The following DACH2 variants were observed in gnomAD, a reference collection of about 807,000 sequenced individuals.
The protein encoded by DACH2 is dachshund homolog 2.
DACH2 carries 17 observed loss-of-function variants against 35.8 expected under a neutral mutation model. The ratio of observed to expected loss-of-function variants is 0.48; its 90% CI spans 0.33 to 0.71. The LOEUF (loss-of-function observed/expected upper bound fraction) is 0.71, where lower values mean the gene tolerates loss of function less well. Ranked by LOEUF, DACH2 falls within the 30% of genes least tolerant of loss-of-function variation. The pLI, the probability that DACH2 is intolerant of heterozygous loss-of-function variation, is 0.02. For missense variants in DACH2, 469 were observed against 472.7 expected (o/e 0.99, Z 0.07); for synonymous variants, 195 against 177.3 (o/e 1.10, Z -0.79).
rs756223722 is a variant in DACH2, at chrX:86,814,809, T to C, written c.1659T>C (p.Ser553=). The part of the protein sequence containing the change: ...VEQALKQATT[S]DSGLRMLKDT... ...AGGCACTTAAGCAAGCCACCACTAG[T>C]GACAGTGGCCTGAGGATGTTAAAAG... The change falls in exon 10 of 12, where the codon AGT becomes AGC. Residue 553 remains serine, a synonymous_variant. Coordinates refer to ENST00000373125, the MANE Select transcript of DACH2 (RefSeq NM_053281.3). The C allele has an allele frequency of 8.3e-7, 1 of 1,210,625 alleles. No homozygotes were observed. The highest frequency in any genetic ancestry group is 3.0e-5 in the East Asian group (1 of 33,812).
intron 7 of DACH2, among the ~76,000 whole-genome samples, chrX:86,744,671 G>T (rs773508360): frequency 9.0e-5 from 10 of 111,544 alleles, no homozygotes; most frequent in African/African-American, 3.3e-4. Flanking sequence ...CTCAAAGTCT[G>T]CATGACCTGA....
chrX:86,410,021 T>C (rs2036585360), intron 2 of DACH2, among the ~76,000 whole-genome samples: 1 of 112,106 alleles, frequency 8.9e-6, no homozygotes, highest in Non-Finnish European at 1.9e-5. Flanking sequence ...TGGAGAGGTA[T>C]GATATATGAC....
chrX:86,542,417 T>G (rs913669899), intron 3 of DACH2, among the ~76,000 whole-genome samples: 17 of 110,903 alleles, frequency 1.5e-4, no homozygotes, highest in Non-Finnish European at 3.0e-4. Flanking sequence ...ATAGAATAAT[T>G]TTTGCAACAA....
intron 1 of DACH2, among the ~76,000 whole-genome samples, chrX:86,211,664 T>C (rs775264652): frequency 9.0e-5 from 10 of 111,606 alleles, no homozygotes; most frequent in Non-Finnish European, 1.5e-4. Context: ...AAATGACATA[T>C]TTTGGATATT....
At chrX:86,645,777 A>G (rs1280130018) in intron 3 of DACH2, among the ~76,000 whole-genome samples, 1 of 111,408 alleles carries the variant, frequency 9.0e-6, no homozygotes, top group African/African-American at 3.3e-5. Flanking sequence ...GGAGGCTATC[A>G]TCCTTAACAA....
chrX:86,206,591 T>A (rs1482728936), intron 1 of DACH2, among the ~76,000 whole-genome samples: 1 of 112,500 alleles, frequency 8.9e-6, no homozygotes, highest in Non-Finnish European at 1.9e-5. Flanking sequence ...GAAGCCAGAC[T>A]AGAGTCAGAA....
intron 1 of DACH2, among the ~76,000 whole-genome samples, chrX:86,277,848 A>G (rs2033947049): frequency 9.0e-6 from 1 of 110,578 alleles, no homozygotes; most frequent in South Asian, 3.9e-4. Flanking sequence ...CAAATTGGAA[A>G]GGTGAAACAG....
chrX:86,605,630 A>T (rs1021654907), intron 3 of DACH2, among the ~76,000 whole-genome samples: 3 of 111,113 alleles, frequency 2.7e-5, no homozygotes, highest in Admixed American at 9.6e-5. Context: ...TCTTTTAAAA[A>T]ATTTTTTCAG....
Position 86,301,085 on chromosome X carries a change from A to C in DACH2, c.489-75739A>C, listed in dbSNP as rs138262632. Among the ~76,000 whole-genome samples, 376 of 111,973 alleles carry C rather than the reference A, an allele frequency of 3.4e-3. 2 individuals carry two copies. Among genetic ancestry groups the C allele is most frequent in the African/African-American group, 0.011 (349 of 30,832 alleles). The stretch of plus-strand genomic sequence containing the variant: ...GACCTATATTGCCCTTCAAATACTG[A>C]AGTAACACATTGGACTTAAGAATGG... On this transcript the variant is annotated intron_variant, in intron 1 of 11. Transcript: ENST00000373125.
intron 3 of DACH2, among the ~76,000 whole-genome samples, chrX:86,643,789 A>T (rs1363862256): frequency 1.8e-5 from 2 of 111,886 alleles, no homozygotes; most frequent in African/African-American, 6.5e-5. Context: ...CTTCATCCCC[A>T]GGATGCAAGG....
intron 1 of DACH2, among the ~76,000 whole-genome samples, chrX:86,239,039 G>A (rs2033112988): frequency 9.0e-6 from 1 of 111,245 alleles, no homozygotes; most frequent in Non-Finnish European, 1.9e-5. Context: ...CATTTTTGTA[G>A]CCAGTGAACC....
intron 3 of DACH2, among the ~76,000 whole-genome samples, chrX:86,534,037 G>T (rs2038761619): frequency 8.9e-6 from 1 of 112,173 alleles, no homozygotes; most frequent in South Asian, 3.6e-4. Flanking sequence ...ATAACTTAAG[G>T]CTGCTAAAAG....
At chrX:86,212,580 A>G (rs2147914843) in intron 1 of DACH2, among the ~76,000 whole-genome samples, 1 of 111,469 alleles carries the variant, frequency 9.0e-6, no homozygotes, top group South Asian at 3.7e-4. Context: ...TAATAATTAC[A>G]GAAGAATTTG....
intron 11 of DACH2, chrX:86,829,352 A>G (rs2042591782): frequency 8.9e-6 from 1 of 112,254 alleles, no homozygotes; most frequent in South Asian, 3.7e-4. Context: ...TAAAAATATA[A>G]CATCCAAGAA....
Position 86,682,245 on chromosome X carries a change from T to C in DACH2, c.773-12776T>C, listed in dbSNP as rs1411219592. Among the ~76,000 whole-genome samples, 3 of 111,849 alleles carry C rather than the reference T, an allele frequency of 2.7e-5. No homozygotes were observed. The East Asian group carries it at 8.5e-4, about 32-fold the overall frequency. ...TCATTTTGTTCCTCAGATTCTAAACTGTGCACATTCACAGTCAAAGCCTCA... is the reference window on the plus strand; with the variant it reads ...TCATTTTGTTCCTCAGATTCTAAACCGTGCACATTCACAGTCAAAGCCTCA... On this transcript the variant is annotated intron_variant, in intron 4 of 11. Transcript: ENST00000373125.
intron 1 of DACH2, among the ~76,000 whole-genome samples, chrX:86,341,788 G>A (rs533264650): frequency 2.7e-5 from 3 of 111,787 alleles, no homozygotes; most frequent in Admixed American, 1.9e-4. Context: ...TCCAGCCCTC[G>A]GGGATGACTG....
In DACH2 at chrX:86,316,241, G is replaced by A. The variant is rs146884158; in HGVS notation, c.489-60583G>A. Among the ~76,000 whole-genome samples the A allele has an allele frequency of 9.2e-3, 1,010 of 110,171 alleles. 10 individuals are homozygous for A. The highest frequency in any genetic ancestry group is 0.032 in the African/African-American group (960 of 30,312). On this transcript the variant is annotated intron_variant, in intron 1 of 11. Coordinates refer to ENST00000373125, the MANE Select transcript of DACH2 (RefSeq NM_053281.3). Reference sequence around the variant, plus strand: ...CTGCTTCTAGATTCCCTATCTTAGTGTGCCTGTGTCTGCTTCTAGATTCCC... The same window carrying A: ...CTGCTTCTAGATTCCCTATCTTAGTATGCCTGTGTCTGCTTCTAGATTCCC...
At chrX:86,660,794 A>C (rs2040596848) in intron 4 of DACH2, among the ~76,000 whole-genome samples, 1 of 111,546 alleles carries the variant, frequency 9.0e-6, no homozygotes, top group Admixed American at 9.6e-5. Context: ...CTGCACTGTC[A>C]TGGTATACAT....
intron 3 of DACH2, among the ~76,000 whole-genome samples, chrX:86,519,339 G>A (rs760842259): frequency 2.6e-4 from 29 of 111,893 alleles, no homozygotes; most frequent in Non-Finnish European, 7.5e-5. Flanking sequence ...TTCATGAAGG[G>A]CATTGGCCTG....
Sources: gnomAD v4.1 joint callset for allele counts (sites outside exome capture counted in the v4.1 genomes callset) on GRCh38, gnomAD v4.1.1 for gene constraint, MANE v1.5 for transcripts, NCBI Gene and HGNC (gene_info 2026-07-23, HGNC 2026-07-21) for gene names.